The following HDAC9 variants were observed in gnomAD, a reference collection of about 807,000 sequenced individuals.
The protein encoded by HDAC9 is histone deacetylase 9.
In HDAC9, 41 loss-of-function variants were observed where a neutral mutation model predicts 139.4. The observed-to-expected ratio is 0.29, with a 90% CI of 0.23 to 0.38. The LOEUF (loss-of-function observed/expected upper bound fraction) is 0.38, where lower values mean the gene tolerates loss of function less well. Among genes scored for constraint, HDAC9 ranks in the 10% least tolerant of loss-of-function variants. HDAC9 has a pLI of 1.00. For missense variants in HDAC9, 1,147 were observed against 1,297.0 expected (o/e 0.88, Z 1.78); for synonymous variants, 517 against 476.2 (o/e 1.09, Z -1.12).
chr7:18,457,648 G>A (rs10259542), intron 1 of HDAC9, among the ~76,000 whole-genome samples: 4,421 of 152,202 alleles, frequency 0.029, 209 homozygotes, highest in African/African-American at 0.098. Context: ...GGTTATAAAC[G>A]TCTGCTCTAA....
intron 1 of HDAC9, among the ~76,000 whole-genome samples, chr7:18,312,468 T>G (rs1029832794): frequency 2.0e-5 from 3 of 152,192 alleles, no homozygotes; most frequent in Admixed American, 6.5e-5. Flanking sequence ...AAGTGCCTTG[T>G]GCCTCCTTTT....
intron 1 of HDAC9, among the ~76,000 whole-genome samples, chr7:18,450,994 C>T (rs971968843): frequency 9.2e-5 from 14 of 152,004 alleles, no homozygotes; most frequent in Admixed American, 3.9e-4. Flanking sequence ...ATATACATAC[C>T]GCTGTGGTCT....
At chr7:18,821,217 T>A (rs1199026429) in intron 17 of HDAC9, among the ~76,000 whole-genome samples, 1 of 152,236 alleles carries the variant, frequency 6.6e-6, no homozygotes, top group African/African-American at 2.4e-5. Context: ...TCATCGCTGC[T>A]TAAAGGCCCT....
At chr7:18,991,307 TAGTTATATATAAAATC>T (rs1785919772) in intron 25 of HDAC9, among the ~76,000 whole-genome samples, 1 of 152,058 alleles carries the variant, frequency 6.6e-6, no homozygotes, top group Admixed American at 6.6e-5. Flanking sequence ...ATATATGAAT[TAGTTATATATAAAATC>T]AGTTTGTGAA....
chr7:18,786,627 C>T (rs368405964), intron 16 of HDAC9, among the ~76,000 whole-genome samples: 1,709 of 66,554 alleles, frequency 0.026, 147 homozygotes, highest in African/African-American at 0.12. Flanking sequence ...CCCTCCCTCC[C>T]TCCTTCCTTC....
chr7:18,838,695 GA>G (rs1322403238), intron 21 of HDAC9, among the ~76,000 whole-genome samples: 2 of 152,004 alleles, frequency 1.3e-5, no homozygotes, highest in Admixed American at 6.6e-5. Flanking sequence ...TATTGAACCA[GA>G]AGATCTTTCT....
At chr7:18,968,832 G>A (rs1198085880) in intron 24 of HDAC9, among the ~76,000 whole-genome samples, 2 of 151,718 alleles carry the variant, frequency 1.3e-5, no homozygotes, top group African/African-American at 2.4e-5. Flanking sequence ...GGTGGCGGGC[G>A]CCTGTAGTCC....
chr7:18,564,666 G>A (rs1821700610), intron 2 of HDAC9, among the ~76,000 whole-genome samples: 1 of 152,058 alleles, frequency 6.6e-6, no homozygotes, highest in Admixed American at 6.6e-5. Context: ...GCTTATGATT[G>A]ACATTGGGCC....
intron 6 of HDAC9, among the ~76,000 whole-genome samples, chr7:18,598,495 A>G (rs1206995002): frequency 6.6e-6 from 1 of 152,156 alleles, no homozygotes; most frequent in African/African-American, 2.4e-5. Flanking sequence ...TGAGCGATTA[A>G]TTTAACCTCT....
chr7:18,700,492 GGTAAC>G (rs1783390512), intron 12 of HDAC9, among the ~76,000 whole-genome samples: 2 of 152,244 alleles, frequency 1.3e-5, no homozygotes, highest in South Asian at 4.1e-4. Flanking sequence ...TCTGTGTGTT[GGTAAC>G]AGTTTTCAGT....
intron 22 of HDAC9, among the ~76,000 whole-genome samples, chr7:18,898,963 G>A (rs551908975): frequency 6.6e-6 from 1 of 151,894 alleles, no homozygotes; most frequent in Non-Finnish European, 1.5e-5. Flanking sequence ...ACGAAAGAAG[G>A]TATATAGTTT....
At chr7:18,598,045 C>G (rs924011823) in intron 6 of HDAC9, among the ~76,000 whole-genome samples, 1 of 152,082 alleles carries the variant, frequency 6.6e-6, no homozygotes, top group African/African-American at 2.4e-5. Flanking sequence ...TAGCAGTCAG[C>G]AGTTATGTTC....
At chr7:18,902,711 T>C (rs1324121664) in intron 22 of HDAC9, among the ~76,000 whole-genome samples, 1 of 152,178 alleles carries the variant, frequency 6.6e-6, no homozygotes, top group Non-Finnish European at 1.5e-5. Flanking sequence ...TCCTAAAATA[T>C]AATTATTTAG....
At chr7:18,703,073 T>C (rs1783629482) in intron 12 of HDAC9, among the ~76,000 whole-genome samples, 1 of 150,638 alleles carries the variant, frequency 6.6e-6, no homozygotes, top group African/African-American at 2.5e-5. Context: ...AAATAACATC[T>C]GTTTCAATGA....
At chr7:18,503,559 T>C (rs1313015640) in intron 2 of HDAC9, among the ~76,000 whole-genome samples, 1 of 152,210 alleles carries the variant, frequency 6.6e-6, no homozygotes, top group Non-Finnish European at 1.5e-5. Flanking sequence ...ATGTTAACTT[T>C]TCCATAGTAA....
intron 12 of HDAC9, among the ~76,000 whole-genome samples, chr7:18,683,763 C>A (rs971383303): frequency 1.3e-5 from 2 of 152,122 alleles, no homozygotes; most frequent in South Asian, 2.1e-4. Context: ...TTTATTTCAA[C>A]TCTGCTTGTT....
At chr7:18,430,150 C>A (rs759607483) in intron 1 of HDAC9, among the ~76,000 whole-genome samples, 8 of 152,076 alleles carry the variant, frequency 5.3e-5, no homozygotes, top group African/African-American at 1.9e-4. Context: ...GGAAATTGAC[C>A]CAATTTGAAT....
intron 12 of HDAC9, among the ~76,000 whole-genome samples, chr7:18,673,139 A>T (rs1190177756): frequency 6.6e-6 from 1 of 151,974 alleles, no homozygotes; most frequent in African/African-American, 2.4e-5. Flanking sequence ...TGTTGAAGCC[A>T]GGTGTGGAAG....
At chr7:18,823,895 C>G (rs538035447) in intron 17 of HDAC9, among the ~76,000 whole-genome samples, 5 of 151,688 alleles carry the variant, frequency 3.3e-5, no homozygotes, top group Non-Finnish European at 5.9e-5. Context: ...GGGAGGATGA[C>G]TTTAGCCCAC....
Sources: gnomAD v4.1 joint callset for allele counts (sites outside exome capture counted in the v4.1 genomes callset) on GRCh38, gnomAD v4.1.1 for gene constraint, MANE v1.5 for transcripts, NCBI Gene and HGNC (gene_info 2026-07-23, HGNC 2026-07-21) for gene names.